EYS: variants seen among roughly 807,000 people sequenced by gnomAD.
EYS encodes the protein protein eyes shut homolog.
Under a neutral mutation model 282.1 loss-of-function variants are expected in EYS, and 250 were observed. That is an observed-to-expected ratio of 0.89 (90% CI 0.80 to 0.98). The LOEUF is 0.98. Ranked by LOEUF, EYS falls within the 50% of genes least tolerant of loss-of-function variation. The pLI is 0.00. For missense variants in EYS, 4,016 were observed against 3,709.0 expected (o/e 1.08, Z -2.15); for synonymous variants, 1,355 against 1,282.9 (o/e 1.06, Z -1.20).
In EYS at chr6:65,416,279, C is replaced by T. The variant is rs181728354; in HGVS notation, c.863-10912G>A. Among the ~76,000 whole-genome samples, 361 of 151,912 alleles carry T rather than the reference C, an allele frequency of 2.4e-3. 3 individuals carry two copies. The highest frequency in any genetic ancestry group is 8.4e-3 in the African/African-American group (350 of 41,510). On this transcript the variant is annotated intron_variant, in intron 5 of 42. Transcript: ENST00000503581. ...ATAGTGTGGGTTTGCTATAAGAGTA[C>T]AGTACATTTTTCATAGTAATAGTAA...
At chr6:64,608,109 T>C (rs1766992269) in intron 24 of EYS, among the ~76,000 whole-genome samples, 1 of 152,194 alleles carries the variant, frequency 6.6e-6, no homozygotes, top group Non-Finnish European at 1.5e-5. Context: ...GTGTATGATA[T>C]TGCATTCAAC....
At chr6:64,278,655 A>C (rs192717498) in intron 30 of EYS, among the ~76,000 whole-genome samples, 1 of 152,206 alleles carries the variant, frequency 6.6e-6, no homozygotes, top group Non-Finnish European at 1.5e-5. Context: ...GCTTAAAAAC[A>C]TAGAAATAAT....
intron 31 of EYS, among the ~76,000 whole-genome samples, chr6:64,100,589 T>C (rs1772792384): frequency 6.6e-6 from 1 of 152,186 alleles, no homozygotes; most frequent in African/African-American, 2.4e-5. Flanking sequence ...TGATATTTAT[T>C]GGTGAGGATC....
intron 26 of EYS, among the ~76,000 whole-genome samples, chr6:64,473,346 A>G (rs1405403227): frequency 6.6e-6 from 1 of 152,172 alleles, no homozygotes; most frequent in African/African-American, 2.4e-5. Flanking sequence ...TATTTACTCA[A>G]TGATGTAGCA....
At chr6:64,216,859 G>T (rs927203801) in intron 31 of EYS, among the ~76,000 whole-genome samples, 1 of 152,120 alleles carries the variant, frequency 6.6e-6, no homozygotes, top group East Asian at 1.9e-4. Flanking sequence ...GGCTCTCAAA[G>T]ACAGAGAAAC....
intron 33 of EYS, among the ~76,000 whole-genome samples, chr6:64,045,031 C>G (rs1770555124): frequency 6.6e-6 from 1 of 151,972 alleles, no homozygotes; most frequent in Non-Finnish European, 1.5e-5. Context: ...GTAATCAATC[C>G]AGTGGAAAAG....
At chr6:64,238,736 C>T (rs1228846973) in intron 30 of EYS, among the ~76,000 whole-genome samples, 1 of 151,878 alleles carries the variant, frequency 6.6e-6, no homozygotes, top group African/African-American at 2.4e-5. Flanking sequence ...AAATTATTTC[C>T]AATTCTTGTA....
At chr6:64,409,831 T>C (rs905332672) in intron 28 of EYS, among the ~76,000 whole-genome samples, 4 of 152,122 alleles carry the variant, frequency 2.6e-5, no homozygotes, top group East Asian at 1.9e-4. Flanking sequence ...TTTATGCACA[T>C]TTTGATAAAT....
chr6:63,905,490 C>T lies in EYS; in HGVS notation c.7056-41132G>A, dbSNP rs753926282. On this transcript the variant is annotated intron_variant, in intron 35 of 42. Coordinates refer to ENST00000503581, the MANE Select transcript of EYS (RefSeq NM_001142800.2). ...GATTACAGGCGCCCGCCACCACGCCCGGCTAATTTTTTGTATTTTTTAGTA... is the reference window on the plus strand; with the variant it reads ...GATTACAGGCGCCCGCCACCACGCCTGGCTAATTTTTTGTATTTTTTAGTA... Among the ~76,000 whole-genome samples, 155 of 151,880 alleles carry T rather than the reference C, an allele frequency of 1.0e-3. 1 individual carries two copies. Among genetic ancestry groups the T allele is most frequent in the Middle Eastern group, 3.4e-3 (1 of 294 alleles).
intron 31 of EYS, among the ~76,000 whole-genome samples, chr6:64,198,054 G>A (rs1392664678): frequency 2.0e-5 from 3 of 151,672 alleles, no homozygotes; most frequent in Admixed American, 1.3e-4. Flanking sequence ...GTGCAGTGGC[G>A]TGATCTCGGC....
intron 22 of EYS, among the ~76,000 whole-genome samples, chr6:64,770,233 A>G (rs889205192): frequency 6.6e-6 from 1 of 152,034 alleles, no homozygotes; most frequent in African/African-American, 2.4e-5. Context: ...GAATTATACA[A>G]GCATATTTCA....
At chr6:64,767,760 C>G (rs1421513220) in intron 22 of EYS, among the ~76,000 whole-genome samples, 2 of 152,082 alleles carry the variant, frequency 1.3e-5, no homozygotes, top group South Asian at 2.1e-4. Context: ...TACAGGTAAT[C>G]TCTTTGATAT....
chr6:64,069,468 T>A (rs1010290915), intron 32 of EYS, among the ~76,000 whole-genome samples: 22 of 152,076 alleles, frequency 1.4e-4, no homozygotes, highest in Non-Finnish European at 2.9e-4. Context: ...ACACATGTGA[T>A]ATACATATAT....
Position 63,940,163 on chromosome 6 carries a change from G to T in EYS, c.7055+44220C>A, listed in dbSNP as rs142791030. ...TAATGTTATGGGACCCATATGAAGTGCCACTAGTGATGCTGGAAGTGTTCC... is the reference window on the plus strand; with the variant it reads ...TAATGTTATGGGACCCATATGAAGTTCCACTAGTGATGCTGGAAGTGTTCC... On this transcript the variant is annotated intron_variant, in intron 35 of 42. Coordinates refer to ENST00000503581, the MANE Select transcript of EYS (RefSeq NM_001142800.2). Among the ~76,000 whole-genome samples, 722 of 152,252 alleles carry T rather than the reference G, an allele frequency of 4.7e-3. 5 individuals carry two copies. The highest frequency in any genetic ancestry group is 0.017 in the African/African-American group (692 of 41,546).
At chr6:65,240,261 C>G (rs1202047061) in intron 12 of EYS, among the ~76,000 whole-genome samples, 8 of 152,244 alleles carry the variant, frequency 5.3e-5, no homozygotes, top group African/African-American at 1.9e-4. Flanking sequence ...AGCCACCATG[C>G]CCGGCTGATT....
At chr6:64,800,535 G>A (rs769486600) in intron 22 of EYS, among the ~76,000 whole-genome samples, 1 of 148,678 alleles carries the variant, frequency 6.7e-6, no homozygotes, top group East Asian at 2.0e-4. Flanking sequence ...TATAACCAGA[G>A]AGTTTAATCT....
In EYS at chr6:64,647,339, AAC is replaced by A. The variant is rs762621270; in HGVS notation, c.3444-21096_3444-21095del. Among the ~76,000 whole-genome samples, 17 of 152,150 alleles carry A rather than the reference AAC, an allele frequency of 1.1e-4. No individual in the cohort carries two copies. In the East Asian group the frequency reaches 1.4e-3, roughly 12 times the overall value. On this transcript the variant is annotated intron_variant, in intron 22 of 42. Transcript: ENST00000503581. ...TATTCTCACATGAAAGGCAGTTTTTAACACACACACACATATTGAGAGAGACA... is the reference window on the plus strand; with the variant it reads ...TATTCTCACATGAAAGGCAGTTTTTAACACACACACATATTGAGAGAGACA...
At chr6:65,547,975 T>A (rs1338609329) in intron 2 of EYS, among the ~76,000 whole-genome samples, 1 of 152,204 alleles carries the variant, frequency 6.6e-6, no homozygotes, top group Non-Finnish European at 1.5e-5. Flanking sequence ...CTTTATCTCA[T>A]AAATGGTTGG....
intron 31 of EYS, among the ~76,000 whole-genome samples, chr6:64,176,174 A>G (rs1241663908): frequency 6.6e-6 from 1 of 152,100 alleles, no homozygotes; most frequent in Non-Finnish European, 1.5e-5. Flanking sequence ...GAGGAATGGA[A>G]TCAGAAAGGG....
Sources: gnomAD v4.1 joint callset for allele counts (sites outside exome capture counted in the v4.1 genomes callset) on GRCh38, gnomAD v4.1.1 for gene constraint, MANE v1.5 for transcripts, NCBI Gene and HGNC (gene_info 2026-07-23, HGNC 2026-07-21) for gene names.